GPBP1L1: variants seen among roughly 807,000 people sequenced by gnomAD.
GPBP1L1 encodes GC-rich promoter binding protein 1 like 1.
Under a neutral mutation model 52.5 loss-of-function variants are expected in GPBP1L1, and 23 were observed. The observed-to-expected ratio is 0.44, with a 90% CI of 0.32 to 0.62. The LOEUF (loss-of-function observed/expected upper bound fraction) is 0.62. GPBP1L1 is among the 20% of genes least tolerant of loss of function. The pLI, the probability that GPBP1L1 is intolerant of heterozygous loss-of-function variation, is 0.06. For missense variants in GPBP1L1, 596 were observed against 579.3 expected (o/e 1.03, Z -0.30); for synonymous variants, 243 against 203.1 (o/e 1.20, Z -1.67).
At position 45,640,346 on chromosome 1, in the gene GPBP1L1, T is replaced by C. The variant is rs371952507; in HGVS notation, c.608A>G (p.Lys203Arg). The change falls in exon 8 of 13, where the codon AAA becomes AGA. Residue 203 changes from lysine to arginine, a missense_variant. By Grantham distance (26) the Lys-to-Arg change is conservative. Transcript: ENST00000355105. ...SKMLVIKKVS[K>R]EDPAAAFSAA... is the part of the protein sequence containing the mutation. ...AGAGAAGGCAGCAGCAGGATCCTCT[T>C]TGGAAACTTTTTTGATAACTAGCAT... is the stretch of plus-strand genomic sequence containing the variant. The C allele has an allele frequency of 8.1e-6, 13 of 1,614,148 alleles. No individual in the cohort carries two copies. The African/African-American group carries it at 1.5e-4, about 18-fold the overall frequency.
chr1:45,640,826 C>T (rs1644662254), intron 7 of GPBP1L1, among the ~76,000 whole-genome samples: 1 of 152,040 alleles, frequency 6.6e-6, no homozygotes, highest in Admixed American at 6.6e-5. Flanking sequence ...CCTGGGCTGG[C>T]AAACCCTGTG....
Position 45,633,693 on chromosome 1 carries a change from G to C in GPBP1L1, c.886-46C>G, listed in dbSNP as rs768198948. On this transcript the variant is annotated intron_variant, in intron 9 of 12. Coordinates refer to ENST00000355105, the MANE Select transcript of GPBP1L1 (RefSeq NM_021639.5). ...GGTTGCTCCTGACAGCAAAGAGCAA[G>C]AACTGGGGTTCTCTTCTACTAAGTG... is the stretch of plus-strand genomic sequence containing the variant. 5 of 1,592,206 alleles carry C rather than the reference G, an allele frequency of 3.1e-6. No homozygotes were observed. The Admixed American group carries it at 7.0e-5, about 22-fold the overall frequency.
At chr1:45,679,864 G>C (rs935023709) in intron 2 of GPBP1L1, among the ~76,000 whole-genome samples, 11 of 133,820 alleles carry the variant, frequency 8.2e-5, no homozygotes, top group African/African-American at 3.1e-4. Flanking sequence ...GAGCAGCCTG[G>C]ACAACAGTGA....
chr1:45,634,018 A>G, intron 9 of GPBP1L1, 78 bp downstream of exon 9: 3 of 1,382,048 alleles, frequency 2.2e-6, no homozygotes, highest in Non-Finnish European at 3.0e-6. Context: ...TGTCACAGCT[A>G]TACATATTAC....
chr1:45,652,248 T>C (rs1644827984), intron 6 of GPBP1L1, among the ~76,000 whole-genome samples: 1 of 152,214 alleles, frequency 6.6e-6, no homozygotes, highest in Admixed American at 6.5e-5. Flanking sequence ...AGCTAGAGCC[T>C]CATGATTCAA....
chr1:45,649,859 T>C (rs187198809), intron 6 of GPBP1L1, among the ~76,000 whole-genome samples: 31 of 152,312 alleles, frequency 2.0e-4, no homozygotes, highest in African/African-American at 7.0e-4. Context: ...CATAAAACCA[T>C]TCTGATTTTC....
At chr1:45,631,220 G>A (rs543478267) in intron 10 of GPBP1L1, among the ~76,000 whole-genome samples, 84 of 152,054 alleles carry the variant, frequency 5.5e-4, no homozygotes, top group Admixed American at 1.9e-3. Context: ...AGAAAACTTA[G>A]ATTACCTTGG....
chr1:45,648,301 C>G (rs1466591000), intron 6 of GPBP1L1, among the ~76,000 whole-genome samples: 1 of 152,174 alleles, frequency 6.6e-6, no homozygotes, highest in Non-Finnish European at 1.5e-5. Flanking sequence ...TCCTTCATTA[C>G]TCCAATCTTG....
At chr1:45,649,096 T>C (rs949572790) in intron 6 of GPBP1L1, among the ~76,000 whole-genome samples, 1 of 152,170 alleles carries the variant, frequency 6.6e-6, no homozygotes, top group Non-Finnish European at 1.5e-5. Context: ...GGTATGGAAT[T>C]TTCTACTTGT....
chr1:45,646,618 C>T (rs936241417), intron 6 of GPBP1L1, among the ~76,000 whole-genome samples: 20 of 151,432 alleles, frequency 1.3e-4, no homozygotes, highest in African/African-American at 3.2e-4. Flanking sequence ...TGCAGTGGCG[C>T]GATCTCAGCT....
intron 10 of GPBP1L1, 29 bp downstream of exon 10, chr1:45,633,460 C>A (rs1354115292): frequency 6.2e-7 from 1 of 1,608,650 alleles, no homozygotes; most frequent in South Asian, 1.1e-5. Context: ...AATTCCTAGG[C>A]TACCCCCAGA....
rs1644943877 is a variant in GPBP1L1, at chr1:45,661,242, A to C, written c.-1097-17T>G. ...TCTATCACTCTGTAAATGAAAAAAC[A>C]AAACATAAAATCACAGAAGGCAAAA... On this transcript the variant is annotated splice_polypyrimidine_tract_variant and intron_variant, in intron 2 of 12. Transcript: ENST00000355105. 1 of 152,226 alleles carries C rather than the reference A, an allele frequency of 6.6e-6. No homozygotes were observed. Among genetic ancestry groups the C allele is most frequent in the African/African-American group, 2.4e-5 (1 of 41,458 alleles). The allele number at this position is 152,226 out of a possible 1,614,324, so 9.4% of individuals were successfully genotyped here. A position where few individuals can be genotyped will look rare whatever the true frequency, so the allele number is the denominator to read the frequency against.
Position 45,627,847 on chromosome 1 carries a change from A to T in GPBP1L1, c.*409T>A, listed in dbSNP as rs887850545. On this transcript the variant is annotated 3_prime_UTR_variant, in exon 13 of 13. Transcript: ENST00000355105. ...TTATTAGCATTAATTTAATACAATTATAACTTCAATAGTCACTTTGTCATT... is the reference window on the plus strand; with the variant it reads ...TTATTAGCATTAATTTAATACAATTTTAACTTCAATAGTCACTTTGTCATT... 1 of 154,972 alleles carries T rather than the reference A, an allele frequency of 6.5e-6. No homozygotes were observed. The highest frequency in any genetic ancestry group is 1.4e-5 in the Non-Finnish European group (1 of 69,938). 9.6% of individuals were successfully genotyped at this position (154,972 alleles called of 1,614,324 possible).
At chr1:45,663,442 G>A (rs1210774409) in intron 2 of GPBP1L1, among the ~76,000 whole-genome samples, 1 of 152,124 alleles carries the variant, frequency 6.6e-6, no homozygotes, top group Non-Finnish European at 1.5e-5. Context: ...TTCTATAGCA[G>A]AGTCCCAACT....
intron 8 of GPBP1L1, chr1:45,634,948 A>C (rs1037675684): frequency 6.6e-6 from 1 of 152,164 alleles, no homozygotes; most frequent in Non-Finnish European, 1.5e-5. Context: ...AAAAACTTCC[A>C]ACTTATTTTT....
At chr1:45,645,763 T>G in intron 6 of GPBP1L1, 1 of 338,466 alleles carries the variant, frequency 3.0e-6, no homozygotes, top group South Asian at 2.3e-5. Context: ...ATTCCGAAGT[T>G]TTTTGTTTTT....
chr1:45,665,930 T>C (rs1266136789), intron 2 of GPBP1L1, among the ~76,000 whole-genome samples: 8 of 151,984 alleles, frequency 5.3e-5, no homozygotes, highest in South Asian at 2.1e-4. Context: ...CCACTCTCTG[T>C]TCCTAGACTT....
rs1486472828 is a variant in GPBP1L1, at chr1:45,627,548, G to C, written c.*708C>G. 6.6e-6 allele frequency: 1 copy of C among 152,262 alleles called. No homozygotes were observed. Among genetic ancestry groups the C allele is most frequent in the Non-Finnish European group, 1.5e-5 (1 of 67,996 alleles). The allele number at this position is 152,262 out of a possible 1,614,324, so 9.4% of individuals were successfully genotyped here. On this transcript the variant is annotated 3_prime_UTR_variant, in exon 13 of 13. Coordinates refer to ENST00000355105, the MANE Select transcript of GPBP1L1 (RefSeq NM_021639.5). Reference sequence around the variant, plus strand: ...TATTTTATGCAGTAGTTTCCCCCTCGAGACTTGTGATAACCACATCTTTTA... The same window carrying C: ...TATTTTATGCAGTAGTTTCCCCCTCCAGACTTGTGATAACCACATCTTTTA...
In GPBP1L1 at chr1:45,631,072, C is replaced by A. The variant is rs1391366684; in HGVS notation, c.1045-466G>T. 4.1e-5 allele frequency among the ~76,000 whole-genome samples: 6 copies of A among 146,026 alleles called. No individual in the cohort carries two copies. The Admixed American group carries it at 4.1e-4, about 10-fold the overall frequency. On this transcript the variant is annotated intron_variant, in intron 10 of 12. Transcript: ENST00000355105. ...GTCTTTTCAACAAATGGTGAGGGAA[C>A]AATTGGACAGCCACACTAAAAAAAA...
Sources: allele counts gnomAD v4.1 joint callset (sites outside exome capture counted in the v4.1 genomes callset), GRCh38; gene constraint gnomAD v4.1.1; transcripts MANE v1.5; gene names NCBI Gene and HGNC (gene_info 2026-07-23, HGNC 2026-07-21).